Variants in ZNF786 observed in about 807,000 individuals in gnomAD.
The protein encoded by ZNF786 is zinc finger protein 786.
Under a neutral mutation model 63.1 loss-of-function variants are expected in ZNF786, and 56 were observed. The observed-to-expected ratio is 0.89, with a 90% CI of 0.72 to 1.11. The LOEUF (loss-of-function observed/expected upper bound fraction) is 1.11. ZNF786 is among the 50% of genes least tolerant of loss of function. The pLI is 0.00. For missense variants in ZNF786, 1,213 were observed against 1,041.8 expected (o/e 1.16, Z -2.26); for synonymous variants, 485 against 406.9 (o/e 1.19, Z -2.31).
At chr7:149,085,303 T>C (rs930712032) in intron 1 of ZNF786, among the ~76,000 whole-genome samples, 1 of 152,198 alleles carries the variant, frequency 6.6e-6, no homozygotes, top group African/African-American at 2.4e-5. Flanking sequence ...AATTTTAAAA[T>C]AGTTTTTTCA....
intron 1 of ZNF786, among the ~76,000 whole-genome samples, chr7:149,085,482 G>A (rs1825720567): frequency 6.6e-6 from 1 of 152,134 alleles, no homozygotes; most frequent in African/African-American, 2.4e-5. Context: ...CTGAGAGGCT[G>A]AGGTGGGAGA....
At chr7:149,079,799 G>A (rs1236054867) in intron 2 of ZNF786, among the ~76,000 whole-genome samples, 1 of 148,416 alleles carries the variant, frequency 6.7e-6, no homozygotes, top group African/African-American at 2.5e-5. Context: ...TTGATCTCTT[G>A]ACCTCGTGAT....
intron 2 of ZNF786, among the ~76,000 whole-genome samples, chr7:149,079,277 T>C (rs1443002732): frequency 1.3e-5 from 2 of 151,510 alleles, no homozygotes; most frequent in South Asian, 4.2e-4. Flanking sequence ...GGTGCAGTGG[T>C]GGGCGCCTGT....
chr7:149,073,695 GTA>G (rs1825474522), intron 3 of ZNF786, among the ~76,000 whole-genome samples: 1 of 137,082 alleles, frequency 7.3e-6, no homozygotes, highest in South Asian at 2.4e-4. Flanking sequence ...ATATACATAT[GTA>G]TATACACGTG....
At position 149,072,310 on chromosome 7, in the gene ZNF786, G is replaced by A. The variant is rs1332221477; in HGVS notation, c.462C>T (p.Cys154=). Residue 154 remains cysteine, a synonymous_variant, in exon 4 of 4, where the codon TGC becomes TGT. Transcript: ENST00000491431. ...CTTTTAGGGTAGATTCACTGGGGCCGCAGGCTAGTGGTGGAGGAGCCCTGG... is the reference window on the plus strand; with the variant it reads ...CTTTTAGGGTAGATTCACTGGGGCCACAGGCTAGTGGTGGAGGAGCCCTGG... ...HDARAPPPLA[C]GPSESTLKEG... 3.1e-6 allele frequency: 5 copies of A among 1,613,600 alleles called. No individual in the cohort carries two copies. The highest frequency in any genetic ancestry group is 2.2e-5 in the East Asian group (1 of 44,890).
At position 149,071,334 on chromosome 7, in the gene ZNF786, G is replaced by A. The variant is rs758511813; in HGVS notation, c.1438C>T (p.Pro480Ser). The A allele has an allele frequency of 6.2e-6, 10 of 1,613,270 alleles. No individual in the cohort carries two copies. Among genetic ancestry groups the A allele is most frequent in the African/African-American group, 1.3e-5 (1 of 74,932 alleles). The change falls in exon 4 of 4, where the codon CCC becomes TCC. Residue 480 changes from proline to serine, a missense_variant. Transcript: ENST00000491431. ...AGCCCACACTCTGGGCACTGAAAGGGCTTCTCGTCCGTGTGCAGCCGCTGG... is the reference window on the plus strand; with the variant it reads ...AGCCCACACTCTGGGCACTGAAAGGACTTCTCGTCCGTGTGCAGCCGCTGG... ...RHQRLHTDEK[P>S]FQCPECGLSF...
intron 1 of ZNF786, among the ~76,000 whole-genome samples, chr7:149,086,844 CTTTTTTTT>C (rs34115320): frequency 7.2e-6 from 1 of 139,472 alleles, no homozygotes; most frequent in Admixed American, 7.2e-5. Flanking sequence ...AGCGCAGATC[CTTTTTTTT>C]TTTTTTTGAG....
chr7:149,087,993 CTTT>C (rs11304737), intron 1 of ZNF786, among the ~76,000 whole-genome samples: 1,600 of 126,222 alleles, frequency 0.013, 34 homozygotes, highest in African/African-American at 0.043. Flanking sequence ...GTTGCCCAGG[CTTT>C]TTTTTTTTTT....
At chr7:149,089,319 G>A (rs1412108189) in intron 1 of ZNF786, among the ~76,000 whole-genome samples, 3 of 146,546 alleles carry the variant, frequency 2.0e-5, no homozygotes, top group Non-Finnish European at 4.5e-5. Context: ...AATGTCACAA[G>A]TTTGTTTGTT....
At chr7:149,080,171 A>G (rs1481084370) in intron 2 of ZNF786, among the ~76,000 whole-genome samples, 1 of 151,878 alleles carries the variant, frequency 6.6e-6, no homozygotes, top group Non-Finnish European at 1.5e-5. Flanking sequence ...AAAAACAAAC[A>G]CTTCATTGTA....
intron 2 of ZNF786, among the ~76,000 whole-genome samples, chr7:149,075,909 T>C (rs1169309071): frequency 2.6e-5 from 4 of 151,712 alleles, no homozygotes; most frequent in Admixed American, 6.6e-5. Flanking sequence ...GATATCCTCC[T>C]ACCTCAGCCT....
At chr7:149,080,190 C>A (rs560610146) in intron 2 of ZNF786, among the ~76,000 whole-genome samples, 1 of 152,076 alleles carries the variant, frequency 6.6e-6, no homozygotes, top group East Asian at 1.9e-4. Context: ...TACACCCTTC[C>A]AAAATAGCTT....
At chr7:149,073,184 C>T (rs528317880) in intron 3 of ZNF786, among the ~76,000 whole-genome samples, 7 of 152,226 alleles carry the variant, frequency 4.6e-5, no homozygotes, top group Admixed American at 3.3e-4. Context: ...CCTTCACTTT[C>T]GAAAGAAGCA....
At chr7:149,082,480 C>G in intron 1 of ZNF786, 1 of 869,518 alleles carries the variant, frequency 1.2e-6, no homozygotes, top group African/African-American at 1.8e-5. Context: ...ATTTAAAACA[C>G]TCTAATTACA....
In ZNF786 at chr7:149,070,159, T is replaced by C. The variant is rs2129513645; in HGVS notation, c.*264A>G. 3.1e-6 allele frequency: 1 copy of C among 324,018 alleles called. No individual in the cohort carries two copies. The highest frequency in any genetic ancestry group is 4.8e-5 in the South Asian group (1 of 20,736). 20.1% of individuals were successfully genotyped at this position (324,018 alleles called of 1,614,324 possible). On this transcript the variant is annotated 3_prime_UTR_variant, in exon 4 of 4. Transcript: ENST00000491431. ...ATAATGCTGTCTTTTCCAATATAGC[T>C]GGGATCACGCCACTGCACTCCAGCC...
chr7:149,073,773 A>T (rs1301702253), intron 3 of ZNF786, among the ~76,000 whole-genome samples: 1 of 109,620 alleles, frequency 9.1e-6, no homozygotes, highest in African/African-American at 3.3e-5. Flanking sequence ...ATATATATAT[A>T]TATATATGTA....
intron 2 of ZNF786, among the ~76,000 whole-genome samples, chr7:149,075,809 G>A (rs1825537963): frequency 6.6e-6 from 1 of 151,628 alleles, no homozygotes; most frequent in Non-Finnish European, 1.5e-5. Context: ...ACTACAGGCG[G>A]GAGCCACCAT....
intron 2 of ZNF786, among the ~76,000 whole-genome samples, chr7:149,079,561 CTCT>C (rs1274971514): frequency 1.5e-4 from 21 of 144,038 alleles, no homozygotes; most frequent in African/African-American, 5.6e-4. Context: ...GAGACAGCTA[CTCT>C]TTTTTTTTTT....
chr7:149,072,592 G>T, intron 3 of ZNF786, 119 bp from the exon 4 acceptor site: 1 of 1,170,710 alleles, frequency 8.5e-7, no homozygotes, highest in Non-Finnish European at 1.2e-6. Context: ...CTTCCACTGA[G>T]CTACCCAACC....
Sources: gnomAD v4.1 joint callset for allele counts (sites outside exome capture counted in the v4.1 genomes callset) on GRCh38, gnomAD v4.1.1 for gene constraint, MANE v1.5 for transcripts, NCBI Gene and HGNC (gene_info 2026-07-23, HGNC 2026-07-21) for gene names.